Variants in MAPRE2 observed in about 807,000 individuals in gnomAD.
MAPRE2 encodes microtubule-associated protein RP/EB family member 2.
In MAPRE2, 13 loss-of-function variants were observed where a neutral mutation model predicts 43.2. That is an observed-to-expected ratio of 0.30 (90% confidence interval 0.20 to 0.48). The LOEUF is 0.48. Ranked by LOEUF, MAPRE2 falls within the 20% of genes least tolerant of loss-of-function variation. MAPRE2 has a pLI of 0.99. For synonymous variants in MAPRE2, 135 were observed against 148.8 expected (o/e 0.91, Z 0.68); for missense variants, 161 against 400.2 (o/e 0.40, Z 5.10).
intron 1 of MAPRE2, among the ~76,000 whole-genome samples, chr18:34,985,518 TTATATATTATAAATATA>T (rs2097020072): frequency 1.6e-5 from 1 of 61,016 alleles, no homozygotes; most frequent in Non-Finnish European, 2.7e-5. Context: ...AATATATATA[TTATATATTATAAATATA>T]ATATATAATA....
intron 1 of MAPRE2, among the ~76,000 whole-genome samples, chr18:35,048,473 T>C (rs1905751357): frequency 6.6e-6 from 1 of 151,354 alleles, no homozygotes; most frequent in Non-Finnish European, 1.5e-5. Flanking sequence ...TATATACACA[T>C]ACATATATAC....
In MAPRE2 at chr18:35,141,027, A is replaced by G. The variant is rs952345457; in HGVS notation, c.*658A>G. The G allele has an allele frequency of 3.3e-5, 5 of 152,262 alleles. No homozygotes were observed. Among genetic ancestry groups the G allele is most frequent in the African/African-American group, 1.2e-4 (5 of 41,452 alleles). The allele number at this position is 152,262 out of a possible 1,614,324, so 9.4% of individuals were successfully genotyped here. A position where few individuals can be genotyped will look rare whatever the true frequency, so the allele number is the denominator to read the frequency against. On this transcript the variant is annotated 3_prime_UTR_variant, in exon 7 of 7. Coordinates refer to ENST00000300249, the MANE Select transcript of MAPRE2 (RefSeq NM_014268.4). ...CCATCAGCATGTTAGACAACTACAC[A>G]GTATGTTGTTAGTTTTGAAAGACAT...
intron 2 of MAPRE2, among the ~76,000 whole-genome samples, chr18:35,071,498 A>G (rs1302913535): frequency 6.6e-6 from 1 of 152,222 alleles, no homozygotes; most frequent in African/African-American, 2.4e-5. Context: ...CCTTCCAGTA[A>G]ACAAATAGAT....
chr18:35,008,158 G>T (rs2097032714), intron 2 of MAPRE2, among the ~76,000 whole-genome samples: 2 of 152,048 alleles, frequency 1.3e-5, no homozygotes, highest in African/African-American at 4.8e-5. Flanking sequence ...CACACAACAT[G>T]CTTGTACTTT....
At chr18:34,998,756 C>G (rs1000836864) in intron 1 of MAPRE2, among the ~76,000 whole-genome samples, 2 of 144,134 alleles carry the variant, frequency 1.4e-5, no homozygotes, top group African/African-American at 2.7e-5. Context: ...AGCCACTGAG[C>G]CTGGCCGAAG....
intron 2 of MAPRE2, among the ~76,000 whole-genome samples, chr18:35,082,650 T>A (rs941441095): frequency 2.6e-5 from 4 of 152,126 alleles, no homozygotes; most frequent in African/African-American, 4.8e-5. Context: ...TTTTCAATGA[T>A]CAGACCTTTA....
chr18:35,097,708 C>A, intron 3 of MAPRE2, 117 bp downstream of exon 3: 1 of 851,914 alleles, frequency 1.2e-6, no homozygotes, highest in Non-Finnish European at 1.8e-6. Flanking sequence ...CAACAGTAGG[C>A]TGGGGTCTGT....
intron 4 of MAPRE2, among the ~76,000 whole-genome samples, chr18:35,103,667 A>G (rs1908779140): frequency 6.6e-6 from 1 of 152,190 alleles, no homozygotes; most frequent in Admixed American, 6.6e-5. Flanking sequence ...AAACTTGGAC[A>G]TTTACTGGTT....
chr18:35,107,799 C>G (rs1001439402), intron 4 of MAPRE2, among the ~76,000 whole-genome samples: 15 of 151,990 alleles, frequency 9.9e-5, no homozygotes, highest in African/African-American at 3.6e-4. Context: ...GTAAACAGAT[C>G]TGTATTTTAT....
rs1195136758 is a variant in MAPRE2, at chr18:34,978,324, C to T, written c.-70+1245C>T. The T allele has an allele frequency of 4.6e-6, 3 of 650,512 alleles. 1 individual carries two copies. In the South Asian group the frequency reaches 5.4e-5, roughly 12 times the overall value. The allele number at this position is 650,512 out of a possible 1,614,324, so 40.3% of individuals were successfully genotyped here. A position where few individuals can be genotyped will look rare whatever the true frequency, so the allele number is the denominator to read the frequency against. ...GAATGAAGGGTTAAGCGCTCAAACC[C>T]GCGCCCGCGCGCACCGAAACGGAAG... is the stretch of plus-strand genomic sequence containing the variant. On this transcript the variant is annotated intron_variant, in intron 1 of 7. Transcript: ENST00000413393.
At chr18:35,022,139 C>T (rs1236987864) in intron 2 of MAPRE2, among the ~76,000 whole-genome samples, 6 of 152,088 alleles carry the variant, frequency 3.9e-5, no homozygotes, top group Non-Finnish European at 5.9e-5. Flanking sequence ...GAAAACTTTA[C>T]GTCTCTGTAT....
At chr18:35,073,472 A>AT (rs1568993000) in intron 2 of MAPRE2, among the ~76,000 whole-genome samples, 1 of 152,074 alleles carries the variant, frequency 6.6e-6, no homozygotes, top group African/African-American at 2.4e-5. Flanking sequence ...GTTTATTTCA[A>AT]TTTTTTTAGT....
chr18:35,136,382 A>C (rs888691106), intron 6 of MAPRE2, among the ~76,000 whole-genome samples: 1 of 152,048 alleles, frequency 6.6e-6, no homozygotes, highest in African/African-American at 2.4e-5. Flanking sequence ...AAAAGACCCA[A>C]CCCTACCTCA....
chr18:35,062,582 T>C (rs1906589147), intron 1 of MAPRE2, among the ~76,000 whole-genome samples: 1 of 152,206 alleles, frequency 6.6e-6, no homozygotes, highest in Non-Finnish European at 1.5e-5. Context: ...GAACTGACAG[T>C]GTGGCCTTGA....
intron 1 of MAPRE2, among the ~76,000 whole-genome samples, chr18:34,990,407 G>A (rs1320171088): frequency 2.0e-5 from 3 of 152,142 alleles, no homozygotes; most frequent in Admixed American, 1.3e-4. Context: ...TTGTCTGACA[G>A]GAGAGGGTAA....
At chr18:34,978,367 T>C in intron 1 of MAPRE2, 1 of 751,304 alleles carries the variant, frequency 1.3e-6, no homozygotes. Flanking sequence ...TTGATTAGCA[T>C]AGTATCGACC....
chr18:35,042,122 G>T (rs1905399082), intron 1 of MAPRE2, among the ~76,000 whole-genome samples: 7 of 152,208 alleles, frequency 4.6e-5, no homozygotes. Context: ...TTAAGCTGCA[G>T]TCTGTGATGT....
intron 2 of MAPRE2, among the ~76,000 whole-genome samples, chr18:35,033,476 A>G (rs368959001): frequency 8.0e-5 from 12 of 150,214 alleles, no homozygotes; most frequent in Admixed American, 4.0e-4. Flanking sequence ...CTCTCTCACC[A>G]CTCCTATTCA....
intron 2 of MAPRE2, among the ~76,000 whole-genome samples, chr18:35,017,132 C>A (rs1437182037): frequency 4.0e-5 from 6 of 151,664 alleles, no homozygotes; most frequent in Non-Finnish European, 7.4e-5. Flanking sequence ...TCTGAGTTCT[C>A]TACTCTGTTC....
Sources: gnomAD v4.1 joint callset for allele counts (sites outside exome capture counted in the v4.1 genomes callset) on GRCh38, gnomAD v4.1.1 for gene constraint, MANE v1.5 for transcripts, NCBI Gene and HGNC (gene_info 2026-07-23, HGNC 2026-07-21) for gene names.